Variants in LRRC4C observed in about 807,000 individuals in gnomAD.
LRRC4C encodes leucine-rich repeat-containing protein 4C.
A neutral mutation model predicts 33.6 loss-of-function variants in LRRC4C; 5 were observed. The observed-to-expected ratio is 0.15, with a 90% CI of 0.08 to 0.31. The LOEUF (loss-of-function observed/expected upper bound fraction) is 0.31. LRRC4C is among the 10% of genes least tolerant of loss of function. The pLI is 1.00. For missense variants in LRRC4C, 560 were observed against 796.7 expected, an observed-to-expected ratio of 0.70 and a Z score of 3.58; for synonymous variants, 329 against 302.0, an observed-to-expected ratio of 1.09 and a Z score of -0.93.
At chr11:40,219,756 A>G (rs1366520485) in intron 5 of LRRC4C, among the ~76,000 whole-genome samples, 2 of 152,126 alleles carry the variant, frequency 1.3e-5, no homozygotes, top group Non-Finnish European at 2.9e-5. Flanking sequence ...GGGTGGATAT[A>G]GATCAGAGGA....
At chr11:40,696,446 A>T (rs1162888246) in intron 2 of LRRC4C, among the ~76,000 whole-genome samples, 1 of 148,810 alleles carries the variant, frequency 6.7e-6, no homozygotes, top group African/African-American at 2.5e-5. Flanking sequence ...ATACATATAT[A>T]TATTGCTGAA....
chr11:41,400,341 A>G (rs1411721812), intron 1 of LRRC4C, among the ~76,000 whole-genome samples: 5 of 151,890 alleles, frequency 3.3e-5, no homozygotes, highest in African/African-American at 1.2e-4. Flanking sequence ...AAGTACTCAC[A>G]AGTACTTATT....
intron 1 of LRRC4C, among the ~76,000 whole-genome samples, chr11:41,135,656 T>C (rs1299216470): frequency 6.6e-6 from 1 of 152,080 alleles, no homozygotes; most frequent in African/African-American, 2.4e-5. Context: ...AAGATAAGAT[T>C]ACCCAATAAA....
chr11:40,395,880 A>C (rs922418877), intron 3 of LRRC4C, among the ~76,000 whole-genome samples: 1 of 152,094 alleles, frequency 6.6e-6, no homozygotes, highest in African/African-American at 2.4e-5. Context: ...TCACTTACTC[A>C]AGAAGCTGAG....
intron 1 of LRRC4C, among the ~76,000 whole-genome samples, chr11:41,093,940 A>C (rs1482439609): frequency 3.8e-4 from 57 of 150,136 alleles, no homozygotes; most frequent in African/African-American, 1.2e-3. Context: ...AAAAAAAAAA[A>C]AAAAAAAAAA....
intron 1 of LRRC4C, among the ~76,000 whole-genome samples, chr11:41,390,694 G>A (rs1370916699): frequency 2.6e-5 from 4 of 151,706 alleles, no homozygotes; most frequent in Non-Finnish European, 5.9e-5. Flanking sequence ...AGGGTAAGTC[G>A]CCTGTCTGCA....
At chr11:40,979,623 C>T (rs12226107) in intron 1 of LRRC4C, among the ~76,000 whole-genome samples, 35,339 of 152,002 alleles carry the variant, frequency 0.23, 4,506 homozygotes, top group Middle Eastern at 0.32. Flanking sequence ...TTGAGAAGCC[C>T]GAATTCATCT....
At chr11:40,507,355 A>G (rs1451758137) in intron 3 of LRRC4C, among the ~76,000 whole-genome samples, 1 of 152,198 alleles carries the variant, frequency 6.6e-6, no homozygotes, top group Non-Finnish European at 1.5e-5. Flanking sequence ...CTTACTAAAA[A>G]TAAAATCCGA....
intron 1 of LRRC4C, among the ~76,000 whole-genome samples, chr11:41,065,168 A>C (rs1938131012): frequency 6.6e-6 from 1 of 152,010 alleles, no homozygotes; most frequent in South Asian, 2.1e-4. Context: ...TGCAATTCCC[A>C]CTGTCAGCGC....
chr11:41,119,816 T>C (rs1482592631), intron 1 of LRRC4C, among the ~76,000 whole-genome samples: 1 of 152,174 alleles, frequency 6.6e-6, no homozygotes, highest in African/African-American at 2.4e-5. Flanking sequence ...TCCAAACTAT[T>C]GAAATAAATA....
rs74711998 is a variant in LRRC4C, at chr11:41,358,065, A to G, written c.-496+101366T>C. 7.5e-3 allele frequency among the ~76,000 whole-genome samples: 1,147 copies of G among 152,276 alleles called. 38 individuals are homozygous for G. Among genetic ancestry groups the G allele is most frequent in the East Asian group, 0.062 (320 of 5,182 alleles). On this transcript the variant is annotated intron_variant, in intron 1 of 6. Transcript: ENST00000528697. ...TGGTAAAAGAATAGACAAACAAATCAAGAAATAGAATAGAGAGCTCAGAAG... is the reference window on the plus strand; with the variant it reads ...TGGTAAAAGAATAGACAAACAAATCGAGAAATAGAATAGAGAGCTCAGAAG...
At chr11:41,187,081 T>C (rs917636293) in intron 1 of LRRC4C, among the ~76,000 whole-genome samples, 8 of 152,074 alleles carry the variant, frequency 5.3e-5, no homozygotes, top group Non-Finnish European at 5.9e-5. Context: ...ATCTATGAAA[T>C]TGTGATAATA....
chr11:41,277,487 G>A (rs915238561), intron 1 of LRRC4C, among the ~76,000 whole-genome samples: 2 of 152,098 alleles, frequency 1.3e-5, no homozygotes, highest in African/African-American at 4.8e-5. Context: ...TCAGAAGTAA[G>A]GATATGAGAT....
chr11:40,205,794 T>C (rs190080454), intron 5 of LRRC4C, among the ~76,000 whole-genome samples: 5 of 152,288 alleles, frequency 3.3e-5, no homozygotes, highest in African/African-American at 1.2e-4. Context: ...GAAAATATCA[T>C]TAAGTTACAA....
intron 1 of LRRC4C, among the ~76,000 whole-genome samples, chr11:41,025,800 G>C (rs921556205): frequency 4.0e-5 from 6 of 151,696 alleles, no homozygotes; most frequent in African/African-American, 1.5e-4. Flanking sequence ...GAGAGAAAAA[G>C]ACAATGTCTA....
intron 1 of LRRC4C, among the ~76,000 whole-genome samples, chr11:41,021,038 C>T (rs1479308117): frequency 6.6e-6 from 1 of 152,070 alleles, no homozygotes; most frequent in Non-Finnish European, 1.5e-5. Flanking sequence ...TCCTTCACAG[C>T]ATTCATTTCA....
At chr11:40,561,603 G>A (rs1437092060) in intron 3 of LRRC4C, among the ~76,000 whole-genome samples, 2 of 151,596 alleles carry the variant, frequency 1.3e-5, no homozygotes, top group South Asian at 2.1e-4. Context: ...TAGTAGAGAC[G>A]GGGTTTCGTC....
chr11:40,620,229 C>A (rs371644404), intron 3 of LRRC4C, among the ~76,000 whole-genome samples: 11 of 151,496 alleles, frequency 7.3e-5, no homozygotes, highest in African/African-American at 2.7e-4. Flanking sequence ...TGCTTTCCAT[C>A]CCATTATATG....
chr11:40,358,186 A>AATAG (rs1253170655), intron 3 of LRRC4C, among the ~76,000 whole-genome samples: 1 of 151,822 alleles, frequency 6.6e-6, no homozygotes, highest in Non-Finnish European at 1.5e-5. Context: ...CTGTCTCAAA[A>AATAG]ATAAATAAAT....
Sources: gnomAD v4.1 joint callset for allele counts (sites outside exome capture counted in the v4.1 genomes callset) on GRCh38, gnomAD v4.1.1 for gene constraint, MANE v1.5 for transcripts, NCBI Gene and HGNC (gene_info 2026-07-23, HGNC 2026-07-21) for gene names.